The following YIPF5 variants were observed in gnomAD, a reference collection of about 807,000 sequenced individuals.
YIPF5 encodes protein YIPF5.
Under a neutral mutation model 30.4 loss-of-function variants are expected in YIPF5, and 8 were observed. The ratio of observed to expected loss-of-function variants is 0.26; its 90% CI spans 0.15 to 0.47. The LOEUF is 0.47. YIPF5 is among the 20% of genes least tolerant of loss of function. YIPF5 has a pLI of 0.99. For synonymous variants in YIPF5, 104 were observed against 107.9 expected, an observed-to-expected ratio of 0.96 and a Z score of 0.23; for missense variants, 282 against 301.8, an observed-to-expected ratio of 0.93 and a Z score of 0.49.
chr5:144,164,688 A>T (rs571161763), intron 3 of YIPF5, among the ~76,000 whole-genome samples: 1 of 151,840 alleles, frequency 6.6e-6, no homozygotes, highest in African/African-American at 2.4e-5. Flanking sequence ...GCGTTGAGAC[A>T]TCGTGCCTGG....
At chr5:144,170,033 C>G in intron 1 of YIPF5, 68 bp from the exon 2 acceptor site, 1 of 1,285,212 alleles carries the variant, frequency 7.8e-7, no homozygotes, top group Non-Finnish European at 1.1e-6. Context: ...TCCTGGCAGT[C>G]TGCTTAAGCA....
intron 5 of YIPF5, 47 bp downstream of exon 5, chr5:144,162,171 T>C: frequency 6.4e-7 from 1 of 1,566,374 alleles, no homozygotes; most frequent in Non-Finnish European, 8.7e-7. Flanking sequence ...TGAATCCTAC[T>C]ACATAGAATT....
chr5:144,166,922 T>C (rs766895365), intron 2 of YIPF5, among the ~76,000 whole-genome samples: 4 of 152,182 alleles, frequency 2.6e-5, no homozygotes, highest in Non-Finnish European at 5.9e-5. Flanking sequence ...TAGAACAACT[T>C]GATGCCACTA....
At chr5:144,161,395 T>C (rs1347999364) in intron 5 of YIPF5, among the ~76,000 whole-genome samples, 1 of 136,834 alleles carries the variant, frequency 7.3e-6, no homozygotes. Flanking sequence ...CAGGCTGAAG[T>C]ATGCAACAGG....
At chr5:144,162,453 C>T (rs879094187) in intron 4 of YIPF5, 54 bp from the exon 5 acceptor site, 4 of 1,479,264 alleles carry the variant, frequency 2.7e-6, no homozygotes, top group South Asian at 1.3e-5. Flanking sequence ...TATTTCTGGC[C>T]TTATTTCACC....
intron 4 of YIPF5, chr5:144,163,790 T>G (rs1401527663): frequency 1.1e-5 from 2 of 186,562 alleles, no homozygotes; most frequent in Non-Finnish European, 1.1e-5. Context: ...AAAGCAATAG[T>G]GTAAAAACTG....
In YIPF5 at chr5:144,160,160, C is replaced by T; in HGVS notation, c.*237G>A. 3.3e-6 allele frequency: 4 copies of T among 1,199,432 alleles called. No individual in the cohort carries two copies. The highest frequency in any genetic ancestry group is 4.3e-5 in the Admixed American group (1 of 23,104). The allele number at this position is 1,199,432 out of a possible 1,614,324, so 74.3% of individuals were successfully genotyped here. A position where few individuals can be genotyped will look rare whatever the true frequency, so the allele number is the denominator to read the frequency against. ...GGCTGCAGGAACCAGAAAGAAATAG[C>T]ATTTCTTATCTGTATAAACACAAAC... On this transcript the variant is annotated 3_prime_UTR_variant, in exon 6 of 6. Transcript: ENST00000274496.
intron 2 of YIPF5, among the ~76,000 whole-genome samples, chr5:144,168,144 G>A (rs1752251369): frequency 6.6e-6 from 1 of 152,168 alleles, no homozygotes; most frequent in Non-Finnish European, 1.5e-5. Flanking sequence ...ACATGATTTG[G>A]TTGGAATGAA....
rs750145063 is a variant in YIPF5 at position 144,160,701 on chromosome 5, AT to A, written c.612-143del. ...GTAGACATATGCAAAAATAATCAGG[AT>A]TTTTTTTTTCAAATGCTAAAATGTA... On this transcript the variant is annotated intron_variant, in intron 5 of 5. Transcript: ENST00000274496. The A allele has an allele frequency of 2.0e-3, 1,389 of 679,202 alleles. 5 individuals are homozygous for A. The highest frequency in any genetic ancestry group is 4.6e-3 in the South Asian group (121 of 26,560). The allele number at this position is 679,202 out of a possible 1,614,324, so 42.1% of individuals were successfully genotyped here. A position where few individuals can be genotyped will look rare whatever the true frequency, so the allele number is the denominator to read the frequency against.
At chr5:144,169,272 G>A (rs928291992) in intron 2 of YIPF5, among the ~76,000 whole-genome samples, 2 of 152,158 alleles carry the variant, frequency 1.3e-5, no homozygotes, top group South Asian at 4.1e-4. Context: ...GAGGCTAACG[G>A]CTTTGAGTCA....
Position 144,160,038 on chromosome 5 carries a change from G to A in YIPF5, c.*359C>T, listed in dbSNP as rs187058268. The A allele has an allele frequency of 6.0e-6, 6 of 995,006 alleles. No individual in the cohort carries two copies. Among genetic ancestry groups the A allele is most frequent in the African/African-American group, 5.2e-5 (3 of 57,424 alleles). 61.6% of individuals were successfully genotyped at this position (995,006 alleles called of 1,614,324 possible). ...GTGTCTTCTTTACTGTGACTGGGTC[G>A]TTTTTAAGAAAGGTTATCAGCTTTG... On this transcript the variant is annotated 3_prime_UTR_variant, in exon 6 of 6. Coordinates refer to ENST00000274496, the MANE Select transcript of YIPF5 (RefSeq NM_030799.9).
chr5:144,161,463 G>C (rs1752043761), intron 5 of YIPF5, among the ~76,000 whole-genome samples: 2 of 145,706 alleles, frequency 1.4e-5, no homozygotes, highest in Non-Finnish European at 3.0e-5. Flanking sequence ...TCCTGCCTCA[G>C]CCTCCCGAGT....
In YIPF5 at chr5:144,158,800, T is replaced by G; in HGVS notation, c.*1597A>C. 2.0e-6 allele frequency: 2 copies of G among 986,990 alleles called. No individual in the cohort carries two copies. The highest frequency in any genetic ancestry group is 2.4e-6 in the Non-Finnish European group (2 of 830,726). 61.1% of individuals were successfully genotyped at this position (986,990 alleles called of 1,614,324 possible). A position where few individuals can be genotyped will look rare whatever the true frequency, so the allele number is the denominator to read the frequency against. ...ATTAATGAAGAAAAACATACTTATG[T>G]GAATCAATAAATATGTTATTTCTCT... is the stretch of plus-strand genomic sequence containing the variant. On this transcript the variant is annotated 3_prime_UTR_variant, in exon 6 of 6. Transcript: ENST00000274496.
At chr5:144,160,934 C>T (rs1752021329) in intron 5 of YIPF5, among the ~76,000 whole-genome samples, 1 of 152,148 alleles carries the variant, frequency 6.6e-6, no homozygotes, top group Non-Finnish European at 1.5e-5. Context: ...ATATAAGTAG[C>T]ACCCTTGCCC....
rs1028657024 is a variant in YIPF5, at chr5:144,170,580, T to C, written c.-56A>G. ...GCGGCAAAGGCAGTAGCTTCACTAA[T>C]CCCAAACAACCCCCAAACTCTGTTT... On this transcript the variant is annotated 5_prime_UTR_variant, in exon 1 of 6. Transcript: ENST00000274496. 1 of 153,076 alleles carries C rather than the reference T, an allele frequency of 6.5e-6. No individual in the cohort carries two copies. Among genetic ancestry groups the C allele is most frequent in the Non-Finnish European group, 1.5e-5 (1 of 68,778 alleles). The allele number at this position is 153,076 out of a possible 1,614,324, so 9.5% of individuals were successfully genotyped here.
At chr5:144,164,034 A>C in intron 4 of YIPF5, 77 bp downstream of exon 4, 6 of 1,566,362 alleles carry the variant, frequency 3.8e-6, no homozygotes, top group Non-Finnish European at 5.2e-6. Flanking sequence ...GGAGTTTCAA[A>C]ATGGCTTTTG....
chr5:144,162,779 T>C (rs1752085675), intron 4 of YIPF5, among the ~76,000 whole-genome samples: 1 of 152,178 alleles, frequency 6.6e-6, no homozygotes, highest in Non-Finnish European at 1.5e-5. Flanking sequence ...GTTATATCAG[T>C]TGAAAGTACC....
At chr5:144,162,635 G>C (rs1752081029) in intron 4 of YIPF5, among the ~76,000 whole-genome samples, 1 of 152,070 alleles carries the variant, frequency 6.6e-6, no homozygotes, top group Non-Finnish European at 1.5e-5. Context: ...GCTTGGCATA[G>C]AAGTGAACAA....
chr5:144,162,494 A>C, intron 4 of YIPF5, 95 bp from the exon 5 acceptor site: 1 of 1,141,716 alleles, frequency 8.8e-7, no homozygotes, highest in Admixed American at 2.4e-5. Context: ...ATAATTTATG[A>C]GCATCAAAAT....
Sources: allele counts gnomAD v4.1 joint callset (sites outside exome capture counted in the v4.1 genomes callset), GRCh38; gene constraint gnomAD v4.1.1; transcripts MANE v1.5; gene names NCBI Gene and HGNC (gene_info 2026-07-23, HGNC 2026-07-21).